The following RANBP2 variants were observed in gnomAD, a reference collection of about 807,000 sequenced individuals.
The protein encoded by RANBP2 is E3 SUMO-protein ligase RanBP2.
In RANBP2, 57 loss-of-function variants were observed where a neutral mutation model predicts 303.6. The ratio of observed to expected loss-of-function variants is 0.19; its 90% CI spans 0.15 to 0.23. The LOEUF (loss-of-function observed/expected upper bound fraction) is 0.23. RANBP2 is among the 10% of genes least tolerant of loss of function. The pLI, the probability that RANBP2 is intolerant of heterozygous loss-of-function variation, is 1.00. For synonymous variants in RANBP2, 1,167 were observed against 1,301.5 expected (o/e 0.90, Z 2.23); for missense variants, 3,138 against 3,780.8 (o/e 0.83, Z 4.46).
chr2:109,621,178 G>A, the RANBP2 span, among the ~76,000 whole-genome samples: 4 of 152,266 alleles, frequency 2.6e-5, no homozygotes, highest in South Asian at 8.3e-4. Context: ...TTTTGAGATG[G>A]AGTCTTGCTC....
chr2:109,698,057 G>A, the RANBP2 span, among the ~76,000 whole-genome samples: 1 of 151,626 alleles, frequency 6.6e-6, no homozygotes, highest in Non-Finnish European at 1.5e-5. Flanking sequence ...ACAGGGTTTT[G>A]CTATGTTGGC....
At chr2:109,293,219 T>G in the RANBP2 span, among the ~76,000 whole-genome samples, 58 of 152,288 alleles carry the variant, frequency 3.8e-4, 1 homozygote, top group Admixed American at 3.7e-3. Flanking sequence ...CTCAACTGCC[T>G]TAGGGCACCC....
At chr2:109,282,463 A>G in the RANBP2 span, among the ~76,000 whole-genome samples, 8 of 152,290 alleles carry the variant, frequency 5.3e-5, no homozygotes, top group East Asian at 1.4e-3. Context: ...CCAGGTCATG[A>G]GCACTGCAGG....
At chr2:109,053,837 C>T in the RANBP2 span, among the ~76,000 whole-genome samples, 4 of 152,114 alleles carry the variant, frequency 2.6e-5, no homozygotes, top group Non-Finnish European at 5.9e-5. Context: ...CCCACCCCCT[C>T]CCCCATCAAG....
chr2:109,716,539 C>A, the RANBP2 span, among the ~76,000 whole-genome samples: 3 of 151,536 alleles, frequency 2.0e-5, no homozygotes, highest in African/African-American at 7.3e-5. Context: ...CGTGAGCCAC[C>A]GCACCCAGCC....
the RANBP2 span, among the ~76,000 whole-genome samples, chr2:109,135,792 G>A: frequency 1.3e-5 from 2 of 152,126 alleles, no homozygotes; most frequent in African/African-American, 4.8e-5. Context: ...GCTTGAGTCT[G>A]TTGGTTTCCT....
chr2:109,433,440 G>A, the RANBP2 span, among the ~76,000 whole-genome samples: 3 of 152,142 alleles, frequency 2.0e-5, no homozygotes, highest in Admixed American at 6.5e-5. Flanking sequence ...GGAATTTTTC[G>A]CTGAGATGAG....
At chr2:108,872,745 A>G in the RANBP2 span, among the ~76,000 whole-genome samples, 1 of 152,160 alleles carries the variant, frequency 6.6e-6, no homozygotes, top group Non-Finnish European at 1.5e-5. Flanking sequence ...CCCACTCTTA[A>G]TACTATTACA....
chr2:108,781,792 A>C (rs1290983559), intron 26 of RANBP2, among the ~76,000 whole-genome samples: 1 of 152,196 alleles, frequency 6.6e-6, no homozygotes, highest in East Asian at 1.9e-4. Context: ...TGTTCTAGGA[A>C]AATTACTTTG....
the RANBP2 span, among the ~76,000 whole-genome samples, chr2:108,914,685 T>G: frequency 2.0e-5 from 3 of 152,200 alleles, no homozygotes; most frequent in African/African-American, 4.8e-5. Context: ...CCAACATGCT[T>G]CAAATGCATC....
the RANBP2 span, among the ~76,000 whole-genome samples, chr2:109,266,421 C>T: frequency 6.6e-6 from 1 of 152,074 alleles, no homozygotes; most frequent in Admixed American, 6.6e-5. Context: ...ACAAGACTCG[C>T]AGGAACAAGT....
the RANBP2 span, among the ~76,000 whole-genome samples, chr2:109,332,428 A>G: frequency 4.6e-5 from 7 of 152,284 alleles, no homozygotes; most frequent in East Asian, 5.8e-4. Context: ...AGCAGGGTGC[A>G]GGTCTTCCTG....
the RANBP2 span, among the ~76,000 whole-genome samples, chr2:109,510,283 T>C: frequency 0.014 from 2,143 of 152,206 alleles, 51 homozygotes; most frequent in African/African-American, 0.049. Flanking sequence ...AAGGGGTGTT[T>C]AGATGCAAAC....
chr2:109,730,787 T>G, the RANBP2 span, among the ~76,000 whole-genome samples: 1 of 133,704 alleles, frequency 7.5e-6, no homozygotes, highest in Non-Finnish European at 1.5e-5. Flanking sequence ...TTTTTTTTTT[T>G]TTTTTTTTTT....
the RANBP2 span, among the ~76,000 whole-genome samples, chr2:108,794,911 G>A: frequency 3.6e-4 from 55 of 152,266 alleles, 1 homozygote; most frequent in South Asian, 0.011. Flanking sequence ...AGAGAAAATA[G>A]AGACAGTGGC....
chr2:109,184,178 TA>T, the RANBP2 span, among the ~76,000 whole-genome samples: 1 of 152,202 alleles, frequency 6.6e-6, no homozygotes, highest in Admixed American at 6.5e-5. Context: ...GATGCTTGGG[TA>T]AATCCATATC....
At chr2:109,127,542 G>T in the RANBP2 span, 6 of 152,208 alleles carry the variant, frequency 3.9e-5, no homozygotes, top group Non-Finnish European at 8.8e-5. Context: ...TTTGTAAAAT[G>T]AGTTTAAAAT....
At chr2:109,355,016 C>A in the RANBP2 span, among the ~76,000 whole-genome samples, 1 of 152,288 alleles carries the variant, frequency 6.6e-6, no homozygotes, top group African/African-American at 2.4e-5. Context: ...TTTTAGTAAC[C>A]ACTTTATGTT....
the RANBP2 span, among the ~76,000 whole-genome samples, chr2:109,257,397 G>A: frequency 8.6e-5 from 13 of 151,768 alleles, no homozygotes; most frequent in African/African-American, 3.1e-4. Flanking sequence ...AGGGAAGGAG[G>A]GAGAGGAAGG....
Sources: gnomAD v4.1 joint callset for allele counts (sites outside exome capture counted in the v4.1 genomes callset) on GRCh38, gnomAD v4.1.1 for gene constraint, MANE v1.5 for transcripts, NCBI Gene and HGNC (gene_info 2026-07-23, HGNC 2026-07-21) for gene names.